Variants in RSRC1 observed in about 807,000 individuals in gnomAD.
RSRC1 encodes serine/Arginine-related protein 53.
Under a neutral mutation model 49.1 loss-of-function variants are expected in RSRC1, and 39 were observed. The observed-to-expected ratio is 0.79, with a 90% confidence interval of 0.61 to 1.04. RSRC1 has a LOEUF of 1.04. Among genes scored for constraint, RSRC1 ranks in the 50% least tolerant of loss-of-function variants. RSRC1 has a pLI of 0.00. For missense variants in RSRC1, 388 were observed against 402.4 expected (o/e 0.96, Z 0.31); for synonymous variants, 143 against 130.8 (o/e 1.09, Z -0.63).
At chr3:158,128,000 A>C (rs573463410) in intron 3 of RSRC1, among the ~76,000 whole-genome samples, 1 of 152,308 alleles carries the variant, frequency 6.6e-6, no homozygotes, top group South Asian at 2.1e-4. Flanking sequence ...TCTGACGAAG[A>C]AACAAGTTGG....
intron 6 of RSRC1, among the ~76,000 whole-genome samples, chr3:158,453,234 C>CTAAAGATACATGAAGTAA (rs1560049345): frequency 2.6e-5 from 4 of 151,474 alleles, no homozygotes; most frequent in African/African-American, 9.8e-5. Context: ...AACTCTTGTG[C>CTAAAGATACATGAAGTAA]ACACATTTTC....
intron 7 of RSRC1, among the ~76,000 whole-genome samples, chr3:158,465,222 A>T (rs1015142021): frequency 6.6e-6 from 1 of 152,130 alleles, no homozygotes; most frequent in Admixed American, 6.6e-5. Context: ...TCAATGTAAG[A>T]TACTCATAGT....
intron 4 of RSRC1, chr3:158,276,491 A>G: frequency 1.7e-6 from 1 of 580,762 alleles, no homozygotes; most frequent in Non-Finnish European, 3.1e-6. Context: ...AATAATTAAC[A>G]TTTGTCTTTT....
rs150618913 is a variant in RSRC1 at position 158,296,373 on chromosome 3, G to A, written c.495-1666G>A. On this transcript the variant is annotated intron_variant, in intron 4 of 9. Transcript: ENST00000611884. The stretch of plus-strand genomic sequence containing the variant: ...ACACACGAGTGCATATCTTCAGAAG[G>A]ATTAACCAAGATTGAGAACTGGGAG... 9.6e-3 allele frequency among the ~76,000 whole-genome samples: 1,459 copies of A among 151,814 alleles called. 14 individuals carry two copies. Among genetic ancestry groups the A allele is most frequent in the Non-Finnish European group, 0.016 (1,098 of 67,824 alleles).
chr3:158,491,784 C>A (rs1183740716), intron 7 of RSRC1, among the ~76,000 whole-genome samples: 1 of 152,072 alleles, frequency 6.6e-6, no homozygotes, highest in African/African-American at 2.4e-5. Flanking sequence ...AAAACTTTTA[C>A]TTTTGACACC....
chr3:158,257,832 G>C (rs909214748), intron 4 of RSRC1, among the ~76,000 whole-genome samples: 1 of 151,978 alleles, frequency 6.6e-6, no homozygotes, highest in East Asian at 1.9e-4. Flanking sequence ...TTACCATGAG[G>C]CTTGAAAATA....
intron 6 of RSRC1, among the ~76,000 whole-genome samples, chr3:158,456,268 T>C (rs1737311542): frequency 6.6e-6 from 1 of 151,408 alleles, no homozygotes; most frequent in African/African-American, 2.4e-5. Context: ...AGTCCTTGAT[T>C]GAACCAGTAG....
At position 158,295,368 on chromosome 3, in the gene RSRC1, A is replaced by G. The variant is rs758696123; in HGVS notation, c.495-2671A>G. 1.3e-5 allele frequency among the ~76,000 whole-genome samples: 2 copies of G among 152,122 alleles called. 1 individual carries two copies. Among genetic ancestry groups the G allele is most frequent in the Non-Finnish European group, 2.9e-5 (2 of 67,990 alleles). ...TAGCTTTGACAAGATAACAGAGGGA[A>G]TAGGTAAACTGCAGTATGGTAGGAT... On this transcript the variant is annotated intron_variant, in intron 4 of 9. Coordinates refer to ENST00000611884, the MANE Select transcript of RSRC1 (RefSeq NM_001271838.2).
At chr3:158,337,815 C>T (rs559465970) in intron 5 of RSRC1, among the ~76,000 whole-genome samples, 1 of 152,238 alleles carries the variant, frequency 6.6e-6, no homozygotes, top group South Asian at 2.1e-4. Flanking sequence ...TTCCTTATAC[C>T]CTCATGAACC....
chr3:158,285,640 T>C (rs1249698202), intron 4 of RSRC1, among the ~76,000 whole-genome samples: 2 of 152,172 alleles, frequency 1.3e-5, no homozygotes, highest in Non-Finnish European at 2.9e-5. Context: ...AGGTATTTTA[T>C]TCTCTTTGAA....
rs553752958 is a variant in RSRC1 at position 158,516,703 on chromosome 3, C to T, written c.653-20389C>T. Among the ~76,000 whole-genome samples the T allele has an allele frequency of 5.3e-5, 8 of 152,322 alleles. No individual in the cohort carries two copies. The South Asian group carries it at 1.0e-3, about 20-fold the overall frequency. ...GGCGCCCCTTCCCCAGCCTCGTTGC[C>T]GCCTTGCAGTTTGATCTCAGACTGC... is the stretch of plus-strand genomic sequence containing the variant. On this transcript the variant is annotated intron_variant, in intron 7 of 9. Coordinates refer to ENST00000611884, the MANE Select transcript of RSRC1 (RefSeq NM_001271838.2).
At chr3:158,464,290 A>G (rs979132939) in intron 7 of RSRC1, among the ~76,000 whole-genome samples, 1 of 152,088 alleles carries the variant, frequency 6.6e-6, no homozygotes, top group African/African-American at 2.4e-5. Flanking sequence ...GGTGCTAATT[A>G]TGTTTTAAAT....
chr3:158,191,231 A>T (rs886245694), intron 3 of RSRC1, among the ~76,000 whole-genome samples: 4 of 151,954 alleles, frequency 2.6e-5, no homozygotes, highest in African/African-American at 9.7e-5. Flanking sequence ...TTTTAGTTGG[A>T]ATTTAGTAGG....
intron 5 of RSRC1, among the ~76,000 whole-genome samples, chr3:158,341,110 A>C (rs1730211106): frequency 6.6e-6 from 1 of 152,226 alleles, no homozygotes; most frequent in African/African-American, 2.4e-5. Flanking sequence ...GTCTTAAAAG[A>C]GAAACAGAGC....
chr3:158,348,054 C>T (rs912608399), intron 5 of RSRC1, among the ~76,000 whole-genome samples: 1 of 152,110 alleles, frequency 6.6e-6, no homozygotes, highest in African/African-American at 2.4e-5. Context: ...CTTTGTTACC[C>T]TATCTTAATT....
At chr3:158,283,347 G>A (rs1239864255) in intron 4 of RSRC1, among the ~76,000 whole-genome samples, 1 of 151,576 alleles carries the variant, frequency 6.6e-6, no homozygotes, top group East Asian at 1.9e-4. Flanking sequence ...AGACACTTTA[G>A]AAAACATATA....
intron 5 of RSRC1, among the ~76,000 whole-genome samples, chr3:158,333,376 G>A (rs1729671097): frequency 6.6e-6 from 1 of 152,066 alleles, no homozygotes; most frequent in Non-Finnish European, 1.5e-5. Flanking sequence ...TAAAACTAGT[G>A]ATTACTATGA....
chr3:158,283,070 T>G (rs998313918), intron 4 of RSRC1, among the ~76,000 whole-genome samples: 3 of 152,208 alleles, frequency 2.0e-5, no homozygotes, highest in Non-Finnish European at 4.4e-5. Context: ...TGAATTCATC[T>G]GTAGCTTGGA....
chr3:158,506,462 G>T (rs999382126), intron 7 of RSRC1, among the ~76,000 whole-genome samples: 11 of 151,942 alleles, frequency 7.2e-5, no homozygotes. Context: ...GACTCTTATT[G>T]TACAGCCTTT....
Sources: gnomAD v4.1 joint callset for allele counts (sites outside exome capture counted in the v4.1 genomes callset) on GRCh38, gnomAD v4.1.1 for gene constraint, MANE v1.5 for transcripts, NCBI Gene and HGNC (gene_info 2026-07-23, HGNC 2026-07-21) for gene names.